Variants in TAB2 observed in about 807,000 individuals in gnomAD.
TAB2 encodes TGF-beta-activated kinase 1 and MAP3K7-binding protein 2.
Under a neutral mutation model 65.0 loss-of-function variants are expected in TAB2, and 3 were observed. That is an observed-to-expected ratio of 0.05 (90% CI 0.02 to 0.12). The LOEUF is 0.12. TAB2 is among the 10% of genes least tolerant of loss of function. TAB2 has a pLI of 1.00. For synonymous variants in TAB2, 298 were observed against 285.1 expected, an observed-to-expected ratio of 1.05 and a Z score of -0.46; for missense variants, 623 against 840.3, an observed-to-expected ratio of 0.74 and a Z score of 3.20.
At chr6:149,385,761 G>A (rs73615924) in intron 3 of TAB2, among the ~76,000 whole-genome samples, 1,787 of 152,152 alleles carry the variant, frequency 0.012, 31 homozygotes, top group African/African-American at 0.041. Context: ...GACACAAACT[G>A]CCTCCTAAGG....
At chr6:149,390,975 T>C (rs1337137968) in intron 3 of TAB2, among the ~76,000 whole-genome samples, 1 of 152,212 alleles carries the variant, frequency 6.6e-6, no homozygotes, top group Admixed American at 6.5e-5. Context: ...CTCTTCCCTG[T>C]TATAAATTAC....
intron 1 of TAB2, among the ~76,000 whole-genome samples, chr6:149,236,478 C>G (rs959038572): frequency 2.6e-5 from 4 of 152,194 alleles, no homozygotes; most frequent in Admixed American, 6.5e-5. Flanking sequence ...ATTCCTTATT[C>G]CCCATTGCCA....
intron 1 of TAB2, among the ~76,000 whole-genome samples, chr6:149,302,862 C>T (rs1778993834): frequency 6.6e-6 from 1 of 152,216 alleles, no homozygotes; most frequent in African/African-American, 2.4e-5. Flanking sequence ...AGGAACTGGG[C>T]CACACAGCAG....
At chr6:149,259,204 T>C (rs1778101885) in intron 1 of TAB2, among the ~76,000 whole-genome samples, 1 of 152,122 alleles carries the variant, frequency 6.6e-6, no homozygotes. Context: ...TAATGGAGGA[T>C]GTTTTTCAGG....
chr6:149,327,461 C>CT (rs1779653774), intron 1 of TAB2, among the ~76,000 whole-genome samples: 1 of 152,152 alleles, frequency 6.6e-6, no homozygotes, highest in South Asian at 2.1e-4. Flanking sequence ...GCCACTGAGC[C>CT]TGGCAACTTG....
At chr6:149,243,796 G>A (rs1777647436) in intron 1 of TAB2, 1 of 152,204 alleles carries the variant, frequency 6.6e-6, no homozygotes, top group African/African-American at 2.4e-5. Flanking sequence ...ACGTGCACCT[G>A]GGGAGAAGTG....
At chr6:149,218,604 C>T (rs1777072318), upstream of TAB2, 1 of 298,310 alleles carries the variant, frequency 3.4e-6, no homozygotes. Context: ...GGTTGAAAGA[C>T]ACTCTTATAT....
intron 1 of TAB2, chr6:149,255,552 A>T (rs747702247): frequency 6.6e-6 from 1 of 152,192 alleles, no homozygotes; most frequent in Non-Finnish European, 1.5e-5. Flanking sequence ...ATTTTTCCAG[A>T]TTTATCATAT....
At chr6:149,370,356 C>G (rs566526594) in intron 2 of TAB2, among the ~76,000 whole-genome samples, 1 of 152,262 alleles carries the variant, frequency 6.6e-6, no homozygotes, top group Admixed American at 6.5e-5. Context: ...TTGATAATAT[C>G]TGTACTTACT....
intron 1 of TAB2, among the ~76,000 whole-genome samples, chr6:149,286,202 C>T (rs1583065228): frequency 2.0e-5 from 3 of 152,094 alleles, no homozygotes; most frequent in East Asian, 1.9e-4. Context: ...TTAAGATTTG[C>T]GAGTTAGAAG....
At chr6:149,394,265 T>A in intron 3 of TAB2, among the ~76,000 whole-genome samples, 1 of 152,202 alleles carries the variant, frequency 6.6e-6, no homozygotes, top group East Asian at 1.9e-4. Context: ...TATTTTTTAT[T>A]TCTAGCATTT....
intron 1 of TAB2, chr6:149,257,679 G>T (rs945392682): frequency 6.6e-6 from 1 of 152,116 alleles, no homozygotes; most frequent in African/African-American, 2.4e-5. Flanking sequence ...CAATAATGCA[G>T]ATCCTTGGGG....
intron 1 of TAB2, among the ~76,000 whole-genome samples, chr6:149,261,146 C>T (rs1778145381): frequency 6.6e-6 from 1 of 152,152 alleles, no homozygotes; most frequent in Admixed American, 6.5e-5. Context: ...AGCTAACACA[C>T]TTTGATTCTT....
intron 1 of TAB2, among the ~76,000 whole-genome samples, chr6:149,310,117 G>C (rs1440933460): frequency 6.6e-6 from 1 of 152,042 alleles, no homozygotes; most frequent in East Asian, 1.9e-4. Context: ...CCGACTGCTT[G>C]AGCCCAGGAG....
chr6:149,223,636 G>A (rs1028451460), intron 1 of TAB2, among the ~76,000 whole-genome samples: 2 of 152,200 alleles, frequency 1.3e-5, no homozygotes, highest in Non-Finnish European at 2.9e-5. Flanking sequence ...GCCTGATACA[G>A]ACTGATTGCC....
chr6:149,353,228 GTGCTGC>G lies in TAB2; in HGVS notation c.-89-16666_-89-16661del, dbSNP rs142975108. ...TGGACTCTGCATTTCAAAGCTCTGG[GTGCTGC>G]TGCTGCTGCTGCTGGATTGCTTTTG... is the stretch of plus-strand genomic sequence containing the variant. On this transcript the variant is annotated intron_variant, in intron 1 of 6. Coordinates refer to ENST00000637181, the MANE Select transcript of TAB2 (RefSeq NM_001292034.3). 5.4e-3 allele frequency among the ~76,000 whole-genome samples: 814 copies of G among 151,844 alleles called. 5 individuals carry two copies. Among genetic ancestry groups the G allele is most frequent in the Non-Finnish European group, 7.9e-3 (536 of 67,938 alleles).
rs1782823489 is a variant in TAB2 at position 149,410,669 on chromosome 6, G to T, written c.*950G>T. ...GAATTGCAGATGATATTACAGAAGT[G>T]ATGTCTGTAGGTCACATTAAATACT... On this transcript the variant is annotated 3_prime_UTR_variant, in exon 7 of 7. Transcript: ENST00000637181. 6.6e-6 allele frequency: 1 copy of T among 152,654 alleles called. No homozygotes were observed. Among genetic ancestry groups the T allele is most frequent in the South Asian group, 2.1e-4 (1 of 4,836 alleles). The allele number at this position is 152,654 out of a possible 1,614,324, so 9.5% of individuals were successfully genotyped here.
At chr6:149,227,354 T>C (rs1777302800) in intron 1 of TAB2, among the ~76,000 whole-genome samples, 1 of 152,174 alleles carries the variant, frequency 6.6e-6, no homozygotes, top group Non-Finnish European at 1.5e-5. Flanking sequence ...GTTGAAAATA[T>C]TAAAAAATGA....
intron 6 of TAB2, among the ~76,000 whole-genome samples, chr6:149,406,688 CTACTT>C (rs1247254066): frequency 2.6e-4 from 40 of 152,176 alleles, no homozygotes; most frequent in Non-Finnish European, 5.1e-4. Context: ...TTTTTGTACT[CTACTT>C]CATTTTTGTT....
Sources: gnomAD v4.1 joint callset for allele counts (sites outside exome capture counted in the v4.1 genomes callset) on GRCh38, gnomAD v4.1.1 for gene constraint, MANE v1.5 for transcripts, NCBI Gene and HGNC (gene_info 2026-07-23, HGNC 2026-07-21) for gene names.